The following CDYL2 variants were observed in gnomAD, a reference collection of about 807,000 sequenced individuals.
CDYL2 encodes the protein chromodomain Y like 2, also known as chromodomain Y-like protein 2.
A neutral mutation model predicts 49.4 loss-of-function variants in CDYL2; 23 were observed. The ratio of observed to expected loss-of-function variants is 0.47; its 90% CI spans 0.34 to 0.66. CDYL2 has a LOEUF of 0.66. Among genes scored for constraint, CDYL2 ranks in the 30% least tolerant of loss-of-function variants. The pLI is 0.01. For missense variants in CDYL2, 678 were observed against 656.4 expected (o/e 1.03, Z -0.36); for synonymous variants, 360 against 268.8 (o/e 1.34, Z -3.32).
intron 6 of CDYL2, among the ~76,000 whole-genome samples, chr16:80,606,718 T>C (rs1319842964): frequency 1.3e-5 from 2 of 152,130 alleles, no homozygotes; most frequent in Non-Finnish European, 2.9e-5. Context: ...AGTTCCCACA[T>C]GTTGTGGGAG....
intron 1 of CDYL2, among the ~76,000 whole-genome samples, chr16:80,794,437 T>C (rs1237933445): frequency 1.3e-5 from 2 of 151,984 alleles, no homozygotes; most frequent in Non-Finnish European, 2.9e-5. Flanking sequence ...TTCCAATATA[T>C]GTCAAAAATA....
At position 80,661,941 on chromosome 16, in the gene CDYL2, G is replaced by T. The variant is rs1303968032; in HGVS notation, c.616+22597C>A. ...TTAACCCAGTGTTCATCCAATGACT[G>T]CATGAGCAAACAATCAGGTGGGGGA... On this transcript the variant is annotated intron_variant, in intron 2 of 6. Coordinates refer to ENST00000570137, the MANE Select transcript of CDYL2 (RefSeq NM_152342.4). 2.6e-5 allele frequency among the ~76,000 whole-genome samples: 4 copies of T among 152,282 alleles called. 2 individuals are homozygous for T. The highest frequency in any genetic ancestry group is 2.6e-4 in the Admixed American group (4 of 15,298).
intron 1 of CDYL2, among the ~76,000 whole-genome samples, chr16:80,698,650 C>T (rs540261943): frequency 1.6e-4 from 24 of 152,226 alleles, no homozygotes; most frequent in African/African-American, 5.8e-4. Flanking sequence ...ATAGTAAGTT[C>T]TCACAAGATC....
At chr16:80,796,383 C>G (rs1164022179) in intron 1 of CDYL2, among the ~76,000 whole-genome samples, 2 of 152,152 alleles carry the variant, frequency 1.3e-5, no homozygotes, top group Non-Finnish European at 2.9e-5. Flanking sequence ...GAGACTGGAG[C>G]CAGCCAAATT....
chr16:80,703,771 A>AC (rs1904320672), intron 1 of CDYL2, among the ~76,000 whole-genome samples: 1 of 152,068 alleles, frequency 6.6e-6, no homozygotes, highest in African/African-American at 2.4e-5. Flanking sequence ...CAGGACCCCT[A>AC]CTGCAGGGTC....
chr16:80,751,582 C>G (rs562081207), intron 1 of CDYL2, among the ~76,000 whole-genome samples: 19 of 152,282 alleles, frequency 1.2e-4, no homozygotes, highest in Admixed American at 5.2e-4. Flanking sequence ...AGAAGAGAAA[C>G]AGAGAACTAA....
At chr16:80,689,416 G>C (rs113453677) in intron 1 of CDYL2, among the ~76,000 whole-genome samples, 7 of 152,338 alleles carry the variant, frequency 4.6e-5, no homozygotes, top group South Asian at 2.1e-4. Flanking sequence ...CTTATGCCCA[G>C]CTTTCCAGCT....
At chr16:80,755,773 T>C (rs1254671120) in intron 1 of CDYL2, among the ~76,000 whole-genome samples, 1 of 152,198 alleles carries the variant, frequency 6.6e-6, no homozygotes, top group Non-Finnish European at 1.5e-5. Context: ...TTAATGATAG[T>C]GTATGAATAT....
intron 1 of CDYL2, among the ~76,000 whole-genome samples, chr16:80,685,522 T>C (rs992327038): frequency 6.6e-6 from 1 of 152,192 alleles, no homozygotes; most frequent in Non-Finnish European, 1.5e-5. Flanking sequence ...GAGTTCTTCA[T>C]CCTTATTTAT....
At chr16:80,667,368 C>T (rs1221960269) in intron 2 of CDYL2, among the ~76,000 whole-genome samples, 1 of 152,188 alleles carries the variant, frequency 6.6e-6, no homozygotes, top group Non-Finnish European at 1.5e-5. Context: ...GAGGCTGTCC[C>T]TCAGCTCTAT....
At chr16:80,630,055 G>C (rs1218504646) in intron 3 of CDYL2, among the ~76,000 whole-genome samples, 6 of 152,216 alleles carry the variant, frequency 3.9e-5, no homozygotes, top group Non-Finnish European at 4.4e-5. Flanking sequence ...AGCCAGGTCT[G>C]CTAGACTAAA....
intron 2 of CDYL2, among the ~76,000 whole-genome samples, chr16:80,644,393 A>G (rs1374976476): frequency 6.6e-6 from 1 of 152,198 alleles, no homozygotes. Flanking sequence ...AACTGTTCCA[A>G]TCTCTGCCTG....
chr16:80,780,505 C>T (rs537198672), intron 1 of CDYL2, among the ~76,000 whole-genome samples: 16 of 149,268 alleles, frequency 1.1e-4, no homozygotes, highest in South Asian at 6.4e-4. Flanking sequence ...CCCAGGTTCA[C>T]GCCATTCTCC....
chr16:80,703,775 C>T (rs545756706), intron 1 of CDYL2, among the ~76,000 whole-genome samples: 14 of 152,274 alleles, frequency 9.2e-5, no homozygotes, highest in African/African-American at 3.1e-4. Context: ...ACCCCTACTG[C>T]AGGGTCCTGC....
At chr16:80,782,560 C>A (rs1907306000) in intron 1 of CDYL2, among the ~76,000 whole-genome samples, 1 of 146,074 alleles carries the variant, frequency 6.8e-6, no homozygotes, top group Non-Finnish European at 1.5e-5. Context: ...AAACTACAGG[C>A]CAATATCCCT....
chr16:80,727,375 C>T (rs550555900), intron 1 of CDYL2, among the ~76,000 whole-genome samples: 229 of 152,354 alleles, frequency 1.5e-3, no homozygotes, highest in African/African-American at 5.2e-3. Context: ...CACCCGAATA[C>T]TGCGCTTTTC....
chr16:80,620,469 A>G (rs571368443), intron 4 of CDYL2, among the ~76,000 whole-genome samples: 1 of 152,344 alleles, frequency 6.6e-6, no homozygotes, highest in South Asian at 2.1e-4. Context: ...CAAATAAAAA[A>G]TCTTTCCGAT....
intron 1 of CDYL2, among the ~76,000 whole-genome samples, chr16:80,734,363 C>T (rs1339563432): frequency 6.6e-6 from 1 of 152,174 alleles, no homozygotes; most frequent in East Asian, 1.9e-4. Flanking sequence ...TTTTGAGGAA[C>T]ACTTTCCATA....
At chr16:80,674,358 C>A (rs549743047) in intron 2 of CDYL2, among the ~76,000 whole-genome samples, 1 of 152,152 alleles carries the variant, frequency 6.6e-6, no homozygotes, top group Non-Finnish European at 1.5e-5. Context: ...GGCTCCCTTG[C>A]ACATGGCAAG....
Sources: allele counts gnomAD v4.1 joint callset (sites outside exome capture counted in the v4.1 genomes callset), GRCh38; gene constraint gnomAD v4.1.1; transcripts MANE v1.5; gene names NCBI Gene and HGNC (gene_info 2026-07-23, HGNC 2026-07-21).